The following NLK variants were observed in gnomAD, a reference collection of about 807,000 sequenced individuals.
The protein encoded by NLK is nemo like kinase.
Under a neutral mutation model 59.0 loss-of-function variants are expected in NLK, and 11 were observed. That is an observed-to-expected ratio of 0.19 (90% CI 0.12 to 0.31). NLK has a LOEUF of 0.31. Among genes scored for constraint, NLK ranks in the 10% least tolerant of loss-of-function variants. The pLI is 1.00. For synonymous variants in NLK, 235 were observed against 235.9 expected, an observed-to-expected ratio of 1.00 and a Z score of 0.03; for missense variants, 410 against 661.1, an observed-to-expected ratio of 0.62 and a Z score of 4.16.
intron 1 of NLK, among the ~76,000 whole-genome samples, chr17:28,059,826 T>C (rs193294111): frequency 2.6e-5 from 4 of 152,326 alleles, no homozygotes; most frequent in African/African-American, 7.2e-5. Flanking sequence ...GTGAAGTCAC[T>C]AAATGCTGAA....
In NLK at chr17:28,064,034, C is replaced by T. The variant is rs553260949; in HGVS notation, c.458+20703C>T. ...TACTGAACATAAATATACGAGTTTG[C>T]AACACTTTTAGTGATAATTTTTCAG... On this transcript the variant is annotated intron_variant, in intron 1 of 10. Coordinates refer to ENST00000407008, the MANE Select transcript of NLK (RefSeq NM_016231.5). Among the ~76,000 whole-genome samples, 6 of 152,176 alleles carry T rather than the reference C, an allele frequency of 3.9e-5. No homozygotes were observed. The East Asian group carries it at 1.2e-3, about 29-fold the overall frequency.
rs1161756933 is a variant in NLK, at chr17:28,111,889, T to G, written c.459-10714T>G. 1.3e-4 allele frequency among the ~76,000 whole-genome samples: 15 copies of G among 119,486 alleles called. No homozygotes were observed. The East Asian group carries it at 3.1e-3, about 25-fold the overall frequency. The allele number at this position is 119,486 out of a possible 152,430, so 78.4% of individuals were successfully genotyped here. On this transcript the variant is annotated intron_variant, in intron 1 of 10. Transcript: ENST00000407008. ...GTGTGTGTGTGTGTGTGTGTGTGTG[T>G]GTGTGTGGTGTGTGTGTGTGTGTGT...
intron 3 of NLK, among the ~76,000 whole-genome samples, chr17:28,159,960 C>T (rs1321199684): frequency 6.6e-6 from 1 of 152,092 alleles, no homozygotes; most frequent in Admixed American, 6.6e-5. Flanking sequence ...GTGGTGCAAG[C>T]AACTAAGAAA....
At chr17:28,156,614 T>C (rs528654245) in intron 3 of NLK, among the ~76,000 whole-genome samples, 16 of 152,322 alleles carry the variant, frequency 1.1e-4, no homozygotes, top group Admixed American at 5.9e-4. Flanking sequence ...AAATTTTTCC[T>C]GAAGAATGAT....
intron 1 of NLK, among the ~76,000 whole-genome samples, chr17:28,073,644 C>T (rs1910079162): frequency 6.6e-6 from 1 of 152,100 alleles, no homozygotes; most frequent in South Asian, 2.1e-4. Flanking sequence ...AGTCCATAAT[C>T]GGTCCTGTCT....
intron 3 of NLK, among the ~76,000 whole-genome samples, chr17:28,141,941 A>T (rs1413542336): frequency 1.3e-5 from 2 of 152,134 alleles, no homozygotes; most frequent in Non-Finnish European, 2.9e-5. Context: ...GTTTATGTAC[A>T]TATGCATTTG....
intron 1 of NLK, among the ~76,000 whole-genome samples, chr17:28,116,801 C>T (rs1341539904): frequency 6.6e-6 from 1 of 152,144 alleles, no homozygotes; most frequent in Non-Finnish European, 1.5e-5. Flanking sequence ...GAACACATAT[C>T]TTTCAGGAAG....
At chr17:28,088,703 A>G (rs771984142) in intron 1 of NLK, among the ~76,000 whole-genome samples, 7 of 152,166 alleles carry the variant, frequency 4.6e-5, no homozygotes, top group South Asian at 2.1e-4. Flanking sequence ...TCCTTTTGAC[A>G]TAACCCTAGT....
chr17:28,144,424 T>C (rs1276892310), intron 3 of NLK, among the ~76,000 whole-genome samples: 1 of 150,880 alleles, frequency 6.6e-6, no homozygotes, highest in Non-Finnish European at 1.5e-5. Context: ...AACTAAAGCT[T>C]GAATCTAGTC....
At chr17:28,091,854 C>T (rs1321492816) in intron 1 of NLK, among the ~76,000 whole-genome samples, 3 of 152,170 alleles carry the variant, frequency 2.0e-5, no homozygotes, top group Non-Finnish European at 4.4e-5. Flanking sequence ...TCTTACTCTT[C>T]CTTTTTATTA....
At chr17:28,077,083 T>C (rs1203849572) in intron 1 of NLK, among the ~76,000 whole-genome samples, 8 of 142,396 alleles carry the variant, frequency 5.6e-5, no homozygotes, top group Admixed American at 5.5e-4. Flanking sequence ...CTTTTTTTTT[T>C]TTTTTTTTTT....
At chr17:28,151,038 C>G (rs563721644) in intron 3 of NLK, among the ~76,000 whole-genome samples, 3 of 152,290 alleles carry the variant, frequency 2.0e-5, no homozygotes, top group East Asian at 3.9e-4. Flanking sequence ...TGTTTTCACT[C>G]TTGTTTGGAG....
chr17:28,067,968 C>T (rs867159395), intron 1 of NLK, among the ~76,000 whole-genome samples: 7 of 151,648 alleles, frequency 4.6e-5, no homozygotes, highest in Middle Eastern at 3.4e-3. Context: ...TGGTGAAACC[C>T]CACCTCTACT....
At chr17:28,061,770 A>G (rs943625545) in intron 1 of NLK, among the ~76,000 whole-genome samples, 1 of 146,828 alleles carries the variant, frequency 6.8e-6, no homozygotes, top group African/African-American at 2.5e-5. Flanking sequence ...ACATATACAT[A>G]TATACATATA....
chr17:28,095,291 G>A (rs1175705043), intron 1 of NLK, among the ~76,000 whole-genome samples: 1 of 152,104 alleles, frequency 6.6e-6, no homozygotes, highest in Admixed American at 6.5e-5. Flanking sequence ...AGCTGGGAGG[G>A]TAGTCAACTT....
At chr17:28,142,647 C>G (rs1907055979) in intron 3 of NLK, among the ~76,000 whole-genome samples, 1 of 152,156 alleles carries the variant, frequency 6.6e-6, no homozygotes, top group East Asian at 1.9e-4. Flanking sequence ...AATGCCCTCA[C>G]TTTTATTTCA....
chr17:28,125,447 G>T (rs1484140963), intron 2 of NLK, among the ~76,000 whole-genome samples: 1 of 152,158 alleles, frequency 6.6e-6, no homozygotes, highest in Non-Finnish European at 1.5e-5. Context: ...AAATAACTGT[G>T]TATGATTGTT....
chr17:28,190,506 C>A (rs1431461448), intron 8 of NLK, among the ~76,000 whole-genome samples: 1 of 152,036 alleles, frequency 6.6e-6, no homozygotes, highest in Non-Finnish European at 1.5e-5. Flanking sequence ...TGAGCTATAT[C>A]TCAAAATATG....
rs368665753 is a variant in NLK at position 28,042,824 on chromosome 17, A to C, written c.-50A>C. 9.0e-6 allele frequency: 13 copies of C among 1,446,464 alleles called. No individual in the cohort carries two copies. In the East Asian group the frequency reaches 1.8e-4, roughly 20 times the overall value. 89.6% of individuals were successfully genotyped at this position (1,446,464 alleles called of 1,614,324 possible). On this transcript the variant is annotated 5_prime_UTR_variant, in exon 1 of 11. Transcript: ENST00000407008. ...GTTTTTCTTCATTTTTAAATGGCCA[A>C]ATGACAGCTTGACCCAGTTTGCTTT...
Sources: allele counts gnomAD v4.1 joint callset (sites outside exome capture counted in the v4.1 genomes callset), GRCh38; gene constraint gnomAD v4.1.1; transcripts MANE v1.5; gene names NCBI Gene and HGNC (gene_info 2026-07-23, HGNC 2026-07-21).